PAN3: variants seen among roughly 807,000 people sequenced by gnomAD.
PAN3 encodes poly(A) specific ribonuclease subunit PAN3.
PAN3 carries 19 observed loss-of-function variants against 96.2 expected under a neutral mutation model. The observed-to-expected ratio is 0.20, with a 90% CI of 0.14 to 0.29. PAN3 has a LOEUF of 0.29. Ranked by LOEUF, PAN3 falls within the 10% of genes least tolerant of loss-of-function variation. PAN3 has a pLI of 1.00. For synonymous variants in PAN3, 433 were observed against 406.6 expected, an observed-to-expected ratio of 1.06 and a Z score of -0.78; for missense variants, 882 against 1,108.1, an observed-to-expected ratio of 0.80 and a Z score of 2.90.
At position 28,295,324 on chromosome 13, in the gene PAN3, T is replaced by TA. The variant is rs1566271166; in HGVS notation, c.*2803dup. On this transcript the variant is annotated 3_prime_UTR_variant, in exon 19 of 19. Coordinates refer to ENST00000380958, the MANE Select transcript of PAN3 (RefSeq NM_175854.8). ...TACAGCAGTATTTTTAATAAAGAAT[T>TA]ACAGAGATAAATTTGTCCTTTTCTT... 1 of 152,214 alleles carries TA rather than the reference T, an allele frequency of 6.6e-6. No individual in the cohort carries two copies. 9.4% of individuals were successfully genotyped at this position (152,214 alleles called of 1,614,324 possible).
intron 1 of PAN3, among the ~76,000 whole-genome samples, chr13:28,153,061 G>T (rs1016116764): frequency 1.3e-5 from 2 of 152,064 alleles, no homozygotes; most frequent in Non-Finnish European, 2.9e-5. Context: ...ATTCAACGCA[G>T]CTGATCTGAC....
intron 6 of PAN3, among the ~76,000 whole-genome samples, chr13:28,223,145 TA>T (rs997278321): frequency 6.6e-6 from 1 of 152,192 alleles, no homozygotes; most frequent in African/African-American, 2.4e-5. Context: ...TTTGATCACT[TA>T]AGAAAAAATA....
chr13:28,208,345 A>T (rs2138305339), intron 5 of PAN3, among the ~76,000 whole-genome samples: 1 of 152,258 alleles, frequency 6.6e-6, no homozygotes, highest in African/African-American at 2.4e-5. Flanking sequence ...CTACTTATTC[A>T]CTGACCTAAG....
At chr13:28,215,401 G>A (rs764981002) in intron 5 of PAN3, 1 of 733,742 alleles carries the variant, frequency 1.4e-6, no homozygotes, top group Non-Finnish European at 2.5e-6. Flanking sequence ...GCACCATGGA[G>A]CTTTGAGTGA....
chr13:28,215,561 C>A, intron 5 of PAN3: 1 of 721,828 alleles, frequency 1.4e-6, no homozygotes, highest in Non-Finnish European at 2.4e-6. Flanking sequence ...ACCATTCAGG[C>A]TAAATCAGTG....
At chr13:28,280,329 A>C in intron 15 of PAN3, 83 bp from the exon 16 acceptor site, 1 of 1,439,536 alleles carries the variant, frequency 6.9e-7, no homozygotes, top group African/African-American at 1.4e-5. Flanking sequence ...AGATGACGGC[A>C]GCCAAAACAG....
At position 28,277,363 on chromosome 13, in the gene PAN3, A is replaced by C. The variant is rs1171711009; in HGVS notation, c.2176A>C (p.Lys726Gln). Reference protein sequence around the residue: ...LVTINYSSDLKNLILYLLTDQ... With the variant: ...LVTINYSSDLQNLILYLLTDQ... ...GACAATCAACTATTCCTCTGACCTG[A>C]AGAATCTGATTTTGTAAGTTTTAAT... The change falls in exon 15 of 19, where the codon AAG (lysine) becomes CAG (glutamine). Residue 726 changes from lysine (K) to glutamine (Q), a missense_variant. Lys to Gln is a moderately conservative substitution (Grantham distance 53). Transcript: ENST00000380958. 4.3e-6 allele frequency: 7 copies of C among 1,609,978 alleles called. No individual in the cohort carries two copies. The highest frequency in any genetic ancestry group is 5.1e-6 in the Non-Finnish European group (6 of 1,178,708).
At chr13:28,205,450 A>G (rs1335600477) in intron 5 of PAN3, among the ~76,000 whole-genome samples, 1 of 152,180 alleles carries the variant, frequency 6.6e-6, no homozygotes, top group Non-Finnish European at 1.5e-5. Flanking sequence ...ACTTTAGAGT[A>G]ATGACCTTGT....
Position 28,209,751 on chromosome 13 carries a change from TCCTG to T in PAN3, c.853-10460_853-10457del, listed in dbSNP as rs145678094. Among the ~76,000 whole-genome samples the T allele has an allele frequency of 4.7e-3, 721 of 152,044 alleles. 9 individuals carry two copies. The highest frequency in any genetic ancestry group is 0.015 in the African/African-American group (642 of 41,450). Reference sequence around the variant, plus strand: ...TCCCGTCTCCTCCCGTTTTTCTCCTTCCTGCCTGCCTGCCTGCCTGCCTTTCTTT... The same window carrying T: ...TCCCGTCTCCTCCCGTTTTTCTCCTTCCTGCCTGCCTGCCTGCCTTTCTTT... On this transcript the variant is annotated intron_variant, in intron 5 of 18. Coordinates refer to ENST00000380958, the MANE Select transcript of PAN3 (RefSeq NM_175854.8).
intron 18 of PAN3, among the ~76,000 whole-genome samples, chr13:28,289,497 C>G (rs539485729): frequency 6.6e-6 from 1 of 152,154 alleles, no homozygotes; most frequent in South Asian, 2.1e-4. Context: ...AGGCTGGTCC[C>G]AAACTCCTGA....
At chr13:28,251,151 G>A (rs1430936563) in intron 6 of PAN3, among the ~76,000 whole-genome samples, 1 of 152,088 alleles carries the variant, frequency 6.6e-6, no homozygotes, top group African/African-American at 2.4e-5. Flanking sequence ...TAAAGAGCCA[G>A]TGCACTCTGT....
At chr13:28,215,472 T>A in intron 5 of PAN3, 1 of 691,108 alleles carries the variant, frequency 1.4e-6, no homozygotes, top group Admixed American at 2.1e-5. Context: ...AAGATGTTCG[T>A]TGGGGGAGTG....
chr13:28,154,899 C>G (rs1405731004), intron 1 of PAN3, among the ~76,000 whole-genome samples: 2 of 150,812 alleles, frequency 1.3e-5, no homozygotes, highest in African/African-American at 4.9e-5. Context: ...CGGCTCACTG[C>G]AAGCTCCACC....
intron 17 of PAN3, among the ~76,000 whole-genome samples, chr13:28,283,196 A>T (rs1373430180): frequency 6.6e-6 from 1 of 151,910 alleles, no homozygotes; most frequent in Non-Finnish European, 1.5e-5. Flanking sequence ...TTACAGGCGC[A>T]TGCCACCATG....
chr13:28,292,707 A>G lies in PAN3; in HGVS notation c.*185A>G, dbSNP rs887593602. 1.8e-5 allele frequency: 8 copies of G among 444,352 alleles called. No homozygotes were observed. Among genetic ancestry groups the G allele is most frequent in the African/African-American group, 1.4e-4 (7 of 49,282 alleles). 27.5% of individuals were successfully genotyped at this position (444,352 alleles called of 1,614,324 possible). A position where few individuals can be genotyped will look rare whatever the true frequency, so the allele number is the denominator to read the frequency against. Reference sequence around the variant, plus strand: ...AGAATGTTTCACTTACCCAAGAGCTATGGCTGCCATTGGAGGCTGTTATCT... The same window carrying G: ...AGAATGTTTCACTTACCCAAGAGCTGTGGCTGCCATTGGAGGCTGTTATCT... On this transcript the variant is annotated 3_prime_UTR_variant, in exon 19 of 19. Coordinates refer to ENST00000380958, the MANE Select transcript of PAN3 (RefSeq NM_175854.8).
chr13:28,240,920 A>G (rs952796585), intron 6 of PAN3, among the ~76,000 whole-genome samples: 1 of 152,192 alleles, frequency 6.6e-6, no homozygotes, highest in African/African-American at 2.4e-5. Context: ...ACATATGCCT[A>G]TGTCTTGTTT....
At position 28,258,762 on chromosome 13, in the gene PAN3, C is replaced by T. The variant is rs184309722; in HGVS notation, c.1249-1685C>T. Among the ~76,000 whole-genome samples, 16 of 152,184 alleles carry T rather than the reference C, an allele frequency of 1.1e-4. No individual in the cohort carries two copies. The East Asian group carries it at 2.1e-3, about 20-fold the overall frequency. ...TATCCAAGGGGGATTGATTCCCGGA[C>T]GCCCACAGATAGCAAAATTCCTGGG... On this transcript the variant is annotated intron_variant, in intron 7 of 18. Coordinates refer to ENST00000380958, the MANE Select transcript of PAN3 (RefSeq NM_175854.8).
At chr13:28,228,038 T>C (rs546706975) in intron 6 of PAN3, among the ~76,000 whole-genome samples, 1 of 152,356 alleles carries the variant, frequency 6.6e-6, no homozygotes, top group Admixed American at 6.5e-5. Context: ...CCTTCTTCTT[T>C]AGTCAAGTAG....
At chr13:28,215,485 G>T in intron 5 of PAN3, 1 of 682,592 alleles carries the variant, frequency 1.5e-6, no homozygotes, top group Admixed American at 2.2e-5. Context: ...GGGGAGTGTT[G>T]CTGTTGACAG....
Sources: allele counts gnomAD v4.1 joint callset (sites outside exome capture counted in the v4.1 genomes callset), GRCh38; gene constraint gnomAD v4.1.1; transcripts MANE v1.5; gene names NCBI Gene and HGNC (gene_info 2026-07-23, HGNC 2026-07-21).